AGBL4: variants seen among roughly 807,000 people sequenced by gnomAD.
AGBL4 encodes cytosolic carboxypeptidase 6.
In AGBL4, 58 loss-of-function variants were observed where a neutral mutation model predicts 66.4. That is an observed-to-expected ratio of 0.87 (90% CI 0.71 to 1.09). The LOEUF is 1.09. AGBL4 is among the 50% of genes least tolerant of loss of function. The pLI, the probability that AGBL4 is intolerant of heterozygous loss-of-function variation, is 0.00. For synonymous variants in AGBL4, 234 were observed against 222.9 expected (o/e 1.05, Z -0.44); for missense variants, 579 against 631.0 (o/e 0.92, Z 0.88).
intron 4 of AGBL4, among the ~76,000 whole-genome samples, chr1:49,134,074 C>T (rs1569760768): frequency 6.6e-6 from 1 of 151,744 alleles, no homozygotes; most frequent in South Asian, 2.1e-4. Context: ...CTGGGGGAGA[C>T]ATCACATGTC....
intron 5 of AGBL4, among the ~76,000 whole-genome samples, chr1:48,887,976 T>C (rs1650537274): frequency 6.6e-6 from 1 of 152,176 alleles, no homozygotes; most frequent in Non-Finnish European, 1.5e-5. Flanking sequence ...TAATTCCTCT[T>C]GGAGTTCATG....
chr1:49,017,829 C>T (rs568150231), intron 5 of AGBL4, among the ~76,000 whole-genome samples: 245 of 152,218 alleles, frequency 1.6e-3, no homozygotes, highest in Non-Finnish European at 2.9e-3. Flanking sequence ...GAGCACTAAC[C>T]CTGGGGAAAC....
intron 10 of AGBL4, among the ~76,000 whole-genome samples, chr1:48,589,724 TC>T (rs1644882946): frequency 6.6e-6 from 1 of 152,170 alleles, no homozygotes; most frequent in Non-Finnish European, 1.5e-5. Flanking sequence ...CATTTGCCCT[TC>T]CAGGAAGCTA....
chr1:49,012,200 C>A (rs1662488209), intron 5 of AGBL4, among the ~76,000 whole-genome samples: 1 of 151,944 alleles, frequency 6.6e-6, no homozygotes, highest in South Asian at 2.1e-4. Context: ...TGTCTTTTTG[C>A]TCGAATATAA....
At chr1:49,974,275 TAATA>T (rs1483310349) in intron 1 of AGBL4, among the ~76,000 whole-genome samples, 2 of 152,024 alleles carry the variant, frequency 1.3e-5, no homozygotes, top group Non-Finnish European at 2.9e-5. Flanking sequence ...GAGAAAATAT[TAATA>T]AATAAAATAT....
At chr1:49,097,234 T>C (rs1469221191) in intron 4 of AGBL4, among the ~76,000 whole-genome samples, 1 of 152,206 alleles carries the variant, frequency 6.6e-6, no homozygotes, top group African/African-American at 2.4e-5. Context: ...TACAACACTA[T>C]TTATAATACA....
intron 2 of AGBL4, among the ~76,000 whole-genome samples, chr1:49,778,284 A>G (rs1357918021): frequency 6.6e-6 from 1 of 152,066 alleles, no homozygotes. Context: ...CACCCCACTC[A>G]TAGAACAGAG....
intron 5 of AGBL4, among the ~76,000 whole-genome samples, chr1:49,003,743 A>G (rs1190174654): frequency 6.6e-6 from 1 of 152,150 alleles, no homozygotes; most frequent in Non-Finnish European, 1.5e-5. Context: ...TGTTTTAGCC[A>G]TCTCTCTTTT....
At chr1:48,913,294 A>T (rs1026965338) in intron 5 of AGBL4, among the ~76,000 whole-genome samples, 1 of 152,194 alleles carries the variant, frequency 6.6e-6, no homozygotes, top group African/African-American at 2.4e-5. Context: ...TGAGTGATTG[A>T]GTCCTGTTGC....
At position 49,541,790 on chromosome 1, in the gene AGBL4, T is replaced by C. The variant is rs184334805; in HGVS notation, c.282+155523A>G. ...GAAGCCAGCTGGGCTCCTGAGTCTA[T>C]TGGGGACTTGGAGAACCTTTATGTC... On this transcript the variant is annotated intron_variant, in intron 3 of 13. Coordinates refer to ENST00000371839, the MANE Select transcript of AGBL4 (RefSeq NM_032785.4). 6.2e-4 allele frequency among the ~76,000 whole-genome samples: 94 copies of C among 152,336 alleles called. 1 individual carries two copies. In the East Asian group the frequency reaches 0.013, roughly 22 times the overall value.
intron 1 of AGBL4, among the ~76,000 whole-genome samples, chr1:49,870,123 T>C (rs1646802802): frequency 6.6e-6 from 1 of 152,176 alleles, no homozygotes; most frequent in African/African-American, 2.4e-5. Context: ...GCAAGACTTT[T>C]AGGTAGGAAT....
intron 5 of AGBL4, among the ~76,000 whole-genome samples, chr1:48,949,045 A>G (rs1189603401): frequency 6.6e-6 from 1 of 152,246 alleles, no homozygotes; most frequent in Non-Finnish European, 1.5e-5. Flanking sequence ...GAATTTATAC[A>G]GAATTTCCAA....
chr1:49,766,592 T>A (rs1209944330), intron 2 of AGBL4, among the ~76,000 whole-genome samples: 1 of 151,344 alleles, frequency 6.6e-6, no homozygotes, highest in Non-Finnish European at 1.5e-5. Context: ...TTACCTTGAA[T>A]GAAAATGGTC....
intron 3 of AGBL4, among the ~76,000 whole-genome samples, chr1:49,676,902 A>G (rs977110680): frequency 6.6e-6 from 1 of 152,110 alleles, no homozygotes; most frequent in African/African-American, 2.4e-5. Context: ...ACAGCAAAGG[A>G]TGTATAAGCC....
At chr1:49,326,947 T>C (rs988580924) in intron 3 of AGBL4, among the ~76,000 whole-genome samples, 31 of 152,182 alleles carry the variant, frequency 2.0e-4, no homozygotes, top group African/African-American at 7.2e-4. Flanking sequence ...AGAATCTGTT[T>C]ATCTGCCTTC....
rs1643916902 is a variant in AGBL4, at chr1:48,533,065, C to CAAAA, written c.*1104_*1107dup. On this transcript the variant is annotated 3_prime_UTR_variant, in exon 14 of 14. Transcript: ENST00000371839. Reference sequence around the variant, plus strand: ...ACAAACAAACAAACAAACAAACAAACAAAAAATGCTTTAGTGGAGCTCTGT... The same window carrying CAAAA: ...ACAAACAAACAAACAAACAAACAAACAAAAAAAAAATGCTTTAGTGGAGCTCTGT... 6.7e-6 allele frequency: 1 copy of CAAAA among 148,582 alleles called. No homozygotes were observed. The highest frequency in any genetic ancestry group is 2.5e-5 in the African/African-American group (1 of 40,434). 9.2% of individuals were successfully genotyped at this position (148,582 alleles called of 1,614,324 possible).
chr1:49,916,101 G>C (rs920870294), intron 1 of AGBL4, among the ~76,000 whole-genome samples: 1 of 152,100 alleles, frequency 6.6e-6, no homozygotes, highest in African/African-American at 2.4e-5. Context: ...CATCATCAAA[G>C]ACCAAAGGTA....
In AGBL4 at chr1:48,653,347, C is replaced by T. The variant is rs1198212479; in HGVS notation, c.829G>A (p.Gly277Ser). ...TCCCCAATTCCTTACCTGTAATTGC[C>T]CAGGTAGACTCCATCAGGATTGAGC... ...PMLNPDGVYLGNYRCSLMGFD... is the reference protein window; with the variant it reads ...PMLNPDGVYLSNYRCSLMGFD... Residue 277 changes from glycine (G) to serine (S), a missense_variant, in exon 8 of 14, where the codon GGC becomes AGC. Gly to Ser is a moderately conservative substitution (Grantham distance 56). Coordinates refer to ENST00000371839, the MANE Select transcript of AGBL4 (RefSeq NM_032785.4). 6.3e-7 allele frequency: 1 copy of T among 1,575,222 alleles called. No individual in the cohort carries two copies. Among genetic ancestry groups the T allele is most frequent in the Non-Finnish European group, 8.6e-7 (1 of 1,159,056 alleles).
At chr1:49,566,468 G>A (rs1644208021) in intron 3 of AGBL4, among the ~76,000 whole-genome samples, 1 of 152,122 alleles carries the variant, frequency 6.6e-6, no homozygotes, top group Admixed American at 6.5e-5. Flanking sequence ...ATGTACAGAT[G>A]GGTTTTTGGT....
Sources: gnomAD v4.1 joint callset for allele counts (sites outside exome capture counted in the v4.1 genomes callset) on GRCh38, gnomAD v4.1.1 for gene constraint, MANE v1.5 for transcripts, NCBI Gene and HGNC (gene_info 2026-07-23, HGNC 2026-07-21) for gene names.